Variants in CALN1 observed in about 807,000 individuals in gnomAD.
The protein encoded by CALN1 is calneuron 1, also known as calcium-binding protein 8.
Under a neutral mutation model 30.6 loss-of-function variants are expected in CALN1, and 17 were observed. The ratio of observed to expected loss-of-function variants is 0.56; its 90% CI spans 0.38 to 0.83. The LOEUF (loss-of-function observed/expected upper bound fraction) is 0.83. Among genes scored for constraint, CALN1 ranks in the 40% least tolerant of loss-of-function variants. The pLI is 0.00. For missense variants in CALN1, 291 were observed against 354.9 expected (o/e 0.82, Z 1.45); for synonymous variants, 156 against 131.4 (o/e 1.19, Z -1.28).
At chr7:72,353,587 G>A (rs1803062270) in intron 2 of CALN1, among the ~76,000 whole-genome samples, 1 of 151,896 alleles carries the variant, frequency 6.6e-6, no homozygotes, top group South Asian at 2.1e-4. Flanking sequence ...CCTGCTAAGG[G>A]GTACTACAAA....
At chr7:72,148,387 G>C (rs1342168563) in intron 3 of CALN1, among the ~76,000 whole-genome samples, 22 of 148,822 alleles carry the variant, frequency 1.5e-4, no homozygotes, top group Admixed American at 1.4e-3. Context: ...AGGCAACATA[G>C]CAAGACCCCA....
At chr7:72,105,723 T>G (rs1349965358) in intron 4 of CALN1, among the ~76,000 whole-genome samples, 2 of 146,974 alleles carry the variant, frequency 1.4e-5, no homozygotes, top group Admixed American at 6.9e-5. Context: ...AAGCTGTTAT[T>G]TAGAAGAGGA....
At chr7:72,295,903 G>A (rs1334704620) in intron 2 of CALN1, among the ~76,000 whole-genome samples, 1 of 151,714 alleles carries the variant, frequency 6.6e-6, no homozygotes, top group Non-Finnish European at 1.5e-5. Flanking sequence ...ACACTATGTT[G>A]AATAGGAGTG....
chr7:72,501,956 TATATATATATAAATATATATACACAC>T, the CALN1 span, among the ~76,000 whole-genome samples: 554 of 103,210 alleles, frequency 5.4e-3, 41 homozygotes, highest in Middle Eastern at 0.025. Context: ...TATACACACA[TATATATATATAAATATATATACACAC>T]ATATATATAT....
At chr7:72,486,815 T>A in the CALN1 span, among the ~76,000 whole-genome samples, 1 of 152,234 alleles carries the variant, frequency 6.6e-6, no homozygotes, top group African/African-American at 2.4e-5. Context: ...ATTCAATAAA[T>A]ACTCACTGAT....
chr7:71,981,773 GTAGA>G (rs1562954211), intron 5 of CALN1, among the ~76,000 whole-genome samples: 1 of 152,074 alleles, frequency 6.6e-6, no homozygotes, highest in East Asian at 1.9e-4. Context: ...CTCTCTCTAG[GTAGA>G]TAGTGTCAGA....
intron 2 of CALN1, among the ~76,000 whole-genome samples, chr7:72,285,443 C>A (rs1006703830): frequency 6.6e-6 from 1 of 152,040 alleles, no homozygotes; most frequent in African/African-American, 2.4e-5. Context: ...TGGGGTTTCA[C>A]CGTGTTGGCC....
intron 4 of CALN1, among the ~76,000 whole-genome samples, chr7:72,047,692 G>T (rs1055653729): frequency 6.6e-6 from 1 of 152,162 alleles, no homozygotes; most frequent in Non-Finnish European, 1.5e-5. Context: ...GGGACGCGCT[G>T]GCAGGGAACT....
chr7:72,246,302 T>C (rs993370565), intron 3 of CALN1, among the ~76,000 whole-genome samples: 4 of 152,158 alleles, frequency 2.6e-5, no homozygotes, highest in African/African-American at 9.6e-5. Flanking sequence ...GGGACTGGCC[T>C]TAAAATGCTG....
chr7:71,843,558 G>A (rs1440722324), intron 5 of CALN1, among the ~76,000 whole-genome samples: 2 of 152,124 alleles, frequency 1.3e-5, no homozygotes, highest in Non-Finnish European at 2.9e-5. Flanking sequence ...AGGAAATCGA[G>A]GCTGCTGTGA....
the CALN1 span, among the ~76,000 whole-genome samples, chr7:72,470,374 G>C: frequency 6.6e-6 from 1 of 152,010 alleles, no homozygotes; most frequent in East Asian, 1.9e-4. Flanking sequence ...CAAGACCCCC[G>C]ACTCTAAAAA....
intron 5 of CALN1, among the ~76,000 whole-genome samples, chr7:71,958,408 T>C (rs773049148): frequency 3.3e-5 from 5 of 152,292 alleles, no homozygotes; most frequent in Non-Finnish European, 5.9e-5. Flanking sequence ...CCTGTCTTCA[T>C]TGTAAGACAC....
intron 5 of CALN1, among the ~76,000 whole-genome samples, chr7:71,893,124 T>C (rs1248059414): frequency 6.6e-6 from 1 of 152,208 alleles, no homozygotes. Context: ...TAAGCTATCT[T>C]ATCCTGGTGG....
intron 3 of CALN1, among the ~76,000 whole-genome samples, chr7:72,277,835 G>A (rs1227388077): frequency 2.6e-5 from 4 of 152,104 alleles, no homozygotes; most frequent in African/African-American, 7.2e-5. Flanking sequence ...GCCAACTGGG[G>A]TAATTTTGAC....
intron 3 of CALN1, among the ~76,000 whole-genome samples, chr7:72,222,373 A>AG (rs1346736692): frequency 3.9e-5 from 6 of 152,182 alleles, no homozygotes; most frequent in Admixed American, 3.9e-4. Flanking sequence ...GCAGAAGGCA[A>AG]GGGGGAAAGC....
chr7:72,230,201 C>T (rs895366771), intron 3 of CALN1, among the ~76,000 whole-genome samples: 1 of 151,944 alleles, frequency 6.6e-6, no homozygotes, highest in Admixed American at 6.6e-5. Context: ...GTGCAGCAAA[C>T]CACCATGGCA....
chr7:72,130,461 T>C (rs1809063072), intron 3 of CALN1, among the ~76,000 whole-genome samples: 1 of 152,172 alleles, frequency 6.6e-6, no homozygotes, highest in Non-Finnish European at 1.5e-5. Flanking sequence ...GTCGGTGGTA[T>C]AGTGGGGAGC....
intron 3 of CALN1, among the ~76,000 whole-genome samples, chr7:72,271,243 G>A (rs1293163823): frequency 6.6e-6 from 1 of 152,062 alleles, no homozygotes; most frequent in African/African-American, 2.4e-5. Flanking sequence ...AGGCAGGACT[G>A]GAGATACGTA....
At chr7:72,142,136 GGTGCAGTGC>G (rs945897714) in intron 3 of CALN1, among the ~76,000 whole-genome samples, 3 of 152,168 alleles carry the variant, frequency 2.0e-5, no homozygotes, top group Admixed American at 2.0e-4. Context: ...CAGGACAGTG[GGTGCAGTGC>G]ACCAAGCATG....
Sources: gnomAD v4.1 joint callset for allele counts (sites outside exome capture counted in the v4.1 genomes callset) on GRCh38, gnomAD v4.1.1 for gene constraint, MANE v1.5 for transcripts, NCBI Gene and HGNC (gene_info 2026-07-23, HGNC 2026-07-21) for gene names.